Variants in S1PR2 observed in about 807,000 individuals in gnomAD.
The protein encoded by S1PR2 is sphingosine-1-phosphate receptor 2, also known as sphingosine 1-phosphate receptor 2.
A neutral mutation model predicts 16.1 loss-of-function variants in S1PR2; 9 were observed. That is an observed-to-expected ratio of 0.56 (90% CI 0.34 to 0.98). The LOEUF is 0.98. Among genes scored for constraint, S1PR2 ranks in the 50% least tolerant of loss-of-function variants. S1PR2 has a pLI of 0.02. For missense variants in S1PR2, 361 were observed against 488.4 expected (o/e 0.74, Z 2.46); for synonymous variants, 224 against 233.9 (o/e 0.96, Z 0.38).
In S1PR2 at chr19:10,223,656, C is replaced by T. The variant is rs2039608451; in HGVS notation, c.*188G>A. The stretch of plus-strand genomic sequence containing the variant: ...CACTGGACTGGCCCTCAGGACCGCA[C>T]TGCAACACTGCTATGTGACTAGTCA... On this transcript the variant is annotated 3_prime_UTR_variant, in exon 2 of 2. Coordinates refer to ENST00000646641, the MANE Select transcript of S1PR2 (RefSeq NM_004230.4). 1 of 596,822 alleles carries T rather than the reference C, an allele frequency of 1.7e-6. No homozygotes were observed. 37.0% of individuals were successfully genotyped at this position (596,822 alleles called of 1,614,324 possible). A position where few individuals can be genotyped will look rare whatever the true frequency, so the allele number is the denominator to read the frequency against.
At chr19:10,230,726 G>T (rs2039670240) in intron 1 of S1PR2, among the ~76,000 whole-genome samples, 1 of 152,364 alleles carries the variant, frequency 6.6e-6, no homozygotes, top group Admixed American at 6.5e-5. Context: ...ACCGGAGGAG[G>T]CAAACAACTT....
chr19:10,221,632 C>G lies in S1PR2; in HGVS notation c.*2212G>C, dbSNP rs1050257730. 2 of 152,282 alleles carry G rather than the reference C, an allele frequency of 1.3e-5. No homozygotes were observed. Among genetic ancestry groups the G allele is most frequent in the African/African-American group, 4.8e-5 (2 of 41,428 alleles). 9.4% of individuals were successfully genotyped at this position (152,282 alleles called of 1,614,324 possible). ...CCAAGGTGAGCTGCACCCCAGCTCT[C>G]CAGTGGGAGGATGGGCCAGCAATTC... is the stretch of plus-strand genomic sequence containing the variant. On this transcript the variant is annotated 3_prime_UTR_variant, in exon 2 of 2. Coordinates refer to ENST00000646641, the MANE Select transcript of S1PR2 (RefSeq NM_004230.4).
In S1PR2 at chr19:10,231,248, G is replaced by C. The variant is rs2039675630; in HGVS notation, c.-87C>G. On this transcript the variant is annotated 5_prime_UTR_variant, in exon 1 of 2. Transcript: ENST00000646641. ...TCCCGGCCCTGGCCGGAGGGGCCTT[G>C]GCGTCTGCGTCCCCAGGGCGGCCGC... 6.6e-6 allele frequency: 1 copy of C among 152,368 alleles called. No individual in the cohort carries two copies. Among genetic ancestry groups the C allele is most frequent in the Non-Finnish European group, 1.5e-5 (1 of 68,174 alleles). 9.4% of individuals were successfully genotyped at this position (152,368 alleles called of 1,614,324 possible). A position where few individuals can be genotyped will look rare whatever the true frequency, so the allele number is the denominator to read the frequency against.
chr19:10,227,725 G>T (rs1392991454), intron 1 of S1PR2, among the ~76,000 whole-genome samples: 3 of 152,184 alleles, frequency 2.0e-5, no homozygotes, highest in Non-Finnish European at 2.9e-5. Context: ...GGCGCTCTAC[G>T]GCCAGCCCTA....
intron 1 of S1PR2, among the ~76,000 whole-genome samples, chr19:10,230,871 C>A (rs1175860242): frequency 2.6e-5 from 4 of 152,218 alleles, no homozygotes; most frequent in African/African-American, 7.2e-5. Context: ...TGTTGCCCCC[C>A]CCCAAACACA....
intron 1 of S1PR2, among the ~76,000 whole-genome samples, chr19:10,227,879 C>T (rs1251966667): frequency 6.6e-6 from 1 of 152,140 alleles, no homozygotes; most frequent in Non-Finnish European, 1.5e-5. Context: ...CCCTGGCCTG[C>T]TGGGCCCCTC....
rs1255491012 is a variant in S1PR2, at chr19:10,222,447, G to A, written c.*1397C>T. ...GGGGGGTGGCTGTTTTTGAAAGGAGGGTGTCTGTGCAAATATCACACCCAG... is the reference window on the plus strand; with the variant it reads ...GGGGGGTGGCTGTTTTTGAAAGGAGAGTGTCTGTGCAAATATCACACCCAG... On this transcript the variant is annotated 3_prime_UTR_variant, in exon 2 of 2. Transcript: ENST00000646641. 2 of 152,332 alleles carry A rather than the reference G, an allele frequency of 1.3e-5. No individual in the cohort carries two copies. Among genetic ancestry groups the A allele is most frequent in the Admixed American group, 6.6e-5 (1 of 15,260 alleles). The allele number at this position is 152,332 out of a possible 1,614,324, so 9.4% of individuals were successfully genotyped here.
intron 1 of S1PR2, among the ~76,000 whole-genome samples, chr19:10,230,151 T>C (rs2039661690): frequency 1.3e-5 from 2 of 152,266 alleles, no homozygotes; most frequent in East Asian, 1.9e-4. Context: ...GCCCAGCGTG[T>C]CTCCATGGAG....
At position 10,224,789 on chromosome 19, in the gene S1PR2, G is replaced by A; in HGVS notation, c.117C>T (p.Phe39=). ...CAATGGCGCAACAGAGGATGACGAT[G>A]AAGGCCGAGGCCACCTGGCGGGAGG... is the stretch of plus-strand genomic sequence containing the variant. ...ETTSRQVASA[F]IVILCCAIVV... The change falls in exon 2 of 2, where the codon TTC becomes TTT. Residue 39 remains phenylalanine, a synonymous_variant. Coordinates refer to ENST00000646641, the MANE Select transcript of S1PR2 (RefSeq NM_004230.4). 1 of 1,614,252 alleles carries A rather than the reference G, an allele frequency of 6.2e-7. No individual in the cohort carries two copies. The highest frequency in any genetic ancestry group is 8.5e-7 in the Non-Finnish European group (1 of 1,180,044).
At position 10,223,010 on chromosome 19, in the gene S1PR2, A is replaced by G. The variant is rs2039602832; in HGVS notation, c.*834T>C. 1 of 146,918 alleles carries G rather than the reference A, an allele frequency of 6.8e-6. No individual in the cohort carries two copies. Among genetic ancestry groups the G allele is most frequent in the South Asian group, 2.2e-4 (1 of 4,578 alleles). The allele number at this position is 146,918 out of a possible 1,614,324, so 9.1% of individuals were successfully genotyped here. A position where few individuals can be genotyped will look rare whatever the true frequency, so the allele number is the denominator to read the frequency against. On this transcript the variant is annotated 3_prime_UTR_variant, in exon 2 of 2. Coordinates refer to ENST00000646641, the MANE Select transcript of S1PR2 (RefSeq NM_004230.4). ...CCGTCTCTACTAAAAATACAAAAAAAAAAAAAATTACCTGGGCGTGGTGGT... is the reference window on the plus strand; with the variant it reads ...CCGTCTCTACTAAAAATACAAAAAAGAAAAAAATTACCTGGGCGTGGTGGT...
Position 10,223,738 on chromosome 19 carries a change from G to C in S1PR2, c.*106C>G, listed in dbSNP as rs1599234565. 1.9e-6 allele frequency: 2 copies of C among 1,036,366 alleles called. No individual in the cohort carries two copies. Among genetic ancestry groups the C allele is most frequent in the Admixed American group, 5.4e-5 (2 of 37,062 alleles). 64.2% of individuals were successfully genotyped at this position (1,036,366 alleles called of 1,614,324 possible). ...ATTTGCAACATCACCCAGGTCTGTGGGGCGGGGGCATCTGGCTCAGTAGCC... is the reference window on the plus strand; with the variant it reads ...ATTTGCAACATCACCCAGGTCTGTGCGGCGGGGGCATCTGGCTCAGTAGCC... On this transcript the variant is annotated 3_prime_UTR_variant, in exon 2 of 2. Transcript: ENST00000646641.
Position 10,224,222 on chromosome 19 carries a change from C to T in S1PR2, c.684G>A (p.Thr228=), listed in dbSNP as rs780958549. The change falls in exon 2 of 2, where the codon ACG becomes ACA. Residue 228 remains threonine, a synonymous_variant. Transcript: ENST00000646641. ...TGGTGACCGTCTTGAGCAGGGCTAGCGTCTGCGGGGCGGCCATGTCAGCGT... is the reference window on the plus strand; with the variant it reads ...TGGTGACCGTCTTGAGCAGGGCTAGTGTCTGCGGGGCGGCCATGTCAGCGT... The part of the protein sequence containing the change: ...SSHADMAAPQ[T]LALLKTVTIV... The T allele has an allele frequency of 9.9e-6, 16 of 1,613,090 alleles. No homozygotes were observed. The highest frequency in any genetic ancestry group is 5.0e-5 in the Admixed American group (3 of 59,998).
intron 1 of S1PR2, among the ~76,000 whole-genome samples, chr19:10,230,229 G>T (rs1464888630): frequency 6.6e-6 from 1 of 152,206 alleles, no homozygotes; most frequent in Non-Finnish European, 1.5e-5. Flanking sequence ...AGGAATGCGC[G>T]GTATCCACGC....
Position 10,223,744 on chromosome 19 carries a change from G to A in S1PR2, c.*100C>T, listed in dbSNP as rs1024826191. 8 of 1,096,124 alleles carry A rather than the reference G, an allele frequency of 7.3e-6. No homozygotes were observed. The highest frequency in any genetic ancestry group is 4.8e-5 in the African/African-American group (3 of 62,916). The allele number at this position is 1,096,124 out of a possible 1,614,324, so 67.9% of individuals were successfully genotyped here. On this transcript the variant is annotated 3_prime_UTR_variant, in exon 2 of 2. Transcript: ENST00000646641. ...AACATCACCCAGGTCTGTGGGGCGG[G>A]GGCATCTGGCTCAGTAGCCCCAAGT...
intron 1 of S1PR2, among the ~76,000 whole-genome samples, chr19:10,228,778 A>G (rs2039651621): frequency 6.6e-6 from 1 of 152,108 alleles, no homozygotes; most frequent in Admixed American, 6.6e-5. Context: ...GCTCACATAG[A>G]ATGTCCAGGC....
chr19:10,231,314 G>T lies in S1PR2; in HGVS notation c.-153C>A, dbSNP rs923214484. On this transcript the variant is annotated 5_prime_UTR_variant, in exon 1 of 2. Transcript: ENST00000646641. ...TGCCAGCCGGGCTCGGCTAAGTCCC[G>T]GGGCTGGGACGAGGGACAGAGGGGG... 1 of 152,234 alleles carries T rather than the reference G, an allele frequency of 6.6e-6. No individual in the cohort carries two copies. The highest frequency in any genetic ancestry group is 6.5e-5 in the Admixed American group (1 of 15,278). The allele number at this position is 152,234 out of a possible 1,614,324, so 9.4% of individuals were successfully genotyped here.
Position 10,225,103 on chromosome 19 carries a change from A to G in S1PR2, c.-42-156T>C, listed in dbSNP as rs114756388. Among the ~76,000 whole-genome samples the G allele has an allele frequency of 2.0e-3, 311 of 152,308 alleles. 1 individual carries two copies. The highest frequency in any genetic ancestry group is 7.0e-3 in the African/African-American group (290 of 41,570). On this transcript the variant is annotated intron_variant, in intron 1 of 1. Coordinates refer to ENST00000646641, the MANE Select transcript of S1PR2 (RefSeq NM_004230.4). ...GAATCATCATCATCCCCACTTACAG[A>G]CGGGAAACCCAGAGAGATTAATTCA...
intron 1 of S1PR2, among the ~76,000 whole-genome samples, chr19:10,228,292 G>C (rs2039648861): frequency 6.6e-6 from 1 of 151,794 alleles, no homozygotes; most frequent in Non-Finnish European, 1.5e-5. Context: ...CAGCCTGGGT[G>C]ACAGAGCGAG....
chr19:10,228,413 G>A (rs995136229), intron 1 of S1PR2, among the ~76,000 whole-genome samples: 23 of 152,262 alleles, frequency 1.5e-4, no homozygotes, highest in African/African-American at 5.3e-4. Flanking sequence ...GAAGACTGGG[G>A]GTGCTGCACT....
Sources: allele counts gnomAD v4.1 joint callset (sites outside exome capture counted in the v4.1 genomes callset), GRCh38; gene constraint gnomAD v4.1.1; transcripts MANE v1.5; gene names NCBI Gene and HGNC (gene_info 2026-07-23, HGNC 2026-07-21).